The following S100Z variants were observed in gnomAD, a reference collection of about 807,000 sequenced individuals.
The protein encoded by S100Z is S100 calcium binding protein Z.
S100Z carries 11 observed loss-of-function variants against 8.5 expected under a neutral mutation model. That is an observed-to-expected ratio of 1.30 (90% CI 0.82 to 2.15). S100Z has a LOEUF of 2.15. Ranked by LOEUF, S100Z falls within the 30% of genes most tolerant of loss-of-function variation. The pLI is 0.00. For synonymous variants in S100Z, 34 were observed against 43.8 expected (o/e 0.78, Z 0.89); for missense variants, 126 against 117.9 (o/e 1.07, Z -0.32).
intron 4 of S100Z, among the ~76,000 whole-genome samples, chr5:76,882,268 G>T (rs1319137024): frequency 6.6e-6 from 1 of 152,220 alleles, no homozygotes; most frequent in Non-Finnish European, 1.5e-5. Context: ...ACACAGACAT[G>T]AAGGCTAGGC....
the S100Z span, among the ~76,000 whole-genome samples, chr5:76,947,019 A>G: frequency 6.6e-6 from 1 of 152,170 alleles, no homozygotes; most frequent in African/African-American, 2.4e-5. Context: ...GCCTCGTCCT[A>G]CAATTGTGTG....
chr5:76,906,966 T>TTG (rs111648836), intron 4 of S100Z, among the ~76,000 whole-genome samples: 741 of 58,596 alleles, frequency 0.013, 12 homozygotes, highest in South Asian at 0.041. Context: ...TAGTATTCCA[T>TTG]TGTGTGTGTG....
At chr5:76,863,590 G>A (rs1043444509) in intron 1 of S100Z, among the ~76,000 whole-genome samples, 3 of 152,026 alleles carry the variant, frequency 2.0e-5, no homozygotes, top group Admixed American at 2.0e-4. Context: ...CCAGGCTGGA[G>A]TGCAGTGGCG....
chr5:76,942,900 T>C, the S100Z span, among the ~76,000 whole-genome samples: 98,756 of 152,130 alleles, frequency 0.65, 32,284 homozygotes, highest in South Asian at 0.76. Flanking sequence ...ATTAGTTATC[T>C]ATTCCTGAAT....
At chr5:76,899,689 T>G (rs1225297800) in intron 4 of S100Z, among the ~76,000 whole-genome samples, 1 of 152,232 alleles carries the variant, frequency 6.6e-6, no homozygotes, top group Non-Finnish European at 1.5e-5. Context: ...ATTTATATCT[T>G]ATTGTATTGA....
At chr5:76,884,580 G>T (rs542519322) in intron 4 of S100Z, among the ~76,000 whole-genome samples, 3 of 152,190 alleles carry the variant, frequency 2.0e-5, no homozygotes, top group African/African-American at 2.4e-5. Context: ...GAGCCTAAAC[G>T]CTGGCTGATT....
At chr5:76,935,395 C>T in the S100Z span, among the ~76,000 whole-genome samples, 7 of 152,174 alleles carry the variant, frequency 4.6e-5, no homozygotes, top group African/African-American at 7.2e-5. Context: ...TGACCTTTCT[C>T]GATCTCAGAA....
rs536119774 is a variant in S100Z at position 76,898,909 on chromosome 5, C to T, written c.*2+21075C>T. On this transcript the variant is annotated intron_variant, in intron 4 of 4. Coordinates refer to ENST00000317593, the MANE Select transcript of S100Z (RefSeq NM_130772.4). Reference sequence around the variant, plus strand: ...GTTTGATAGAATTCATCAGTGAAGCCATTGGGTCCTGGGCTTTTCTTTTCT... The same window carrying T: ...GTTTGATAGAATTCATCAGTGAAGCTATTGGGTCCTGGGCTTTTCTTTTCT... Among the ~76,000 whole-genome samples the T allele has an allele frequency of 1.4e-4, 21 of 148,398 alleles. No homozygotes were observed. The South Asian group carries it at 4.5e-3, about 32-fold the overall frequency.
At chr5:76,912,609 C>G (rs911254000) in intron 4 of S100Z, among the ~76,000 whole-genome samples, 24 of 152,224 alleles carry the variant, frequency 1.6e-4, no homozygotes, top group African/African-American at 5.8e-4. Context: ...CTTATCTAAT[C>G]CTACATGCCC....
At chr5:76,887,313 G>A (rs978297443) in intron 4 of S100Z, among the ~76,000 whole-genome samples, 9 of 150,030 alleles carry the variant, frequency 6.0e-5, no homozygotes, top group Non-Finnish European at 1.2e-4. Context: ...GGGCCAGAAA[G>A]GTCTCGATCT....
At position 76,900,175 on chromosome 5, in the gene S100Z, C is replaced by T. The variant is rs139570893; in HGVS notation, c.*3-20542C>T. On this transcript the variant is annotated intron_variant, in intron 4 of 4. Transcript: ENST00000317593. ...TTTAGGATCCTTTCTTTTTGGTTGA[C>T]CTTTGGGAGTTTGATTATCAAATGC... Among the ~76,000 whole-genome samples the T allele has an allele frequency of 8.7e-4, 133 of 152,152 alleles. 4 individuals are homozygous for T. The East Asian group carries it at 0.025, about 28-fold the overall frequency.
At chr5:76,878,896 G>A (rs553656192) in intron 4 of S100Z, among the ~76,000 whole-genome samples, 12 of 152,262 alleles carry the variant, frequency 7.9e-5, no homozygotes, top group African/African-American at 2.9e-4. Flanking sequence ...TGAAGTGTGA[G>A]GAAAAGAGAG....
the S100Z span, among the ~76,000 whole-genome samples, chr5:76,943,774 A>G: frequency 4.3e-4 from 65 of 152,296 alleles, no homozygotes; most frequent in African/African-American, 1.5e-3. Flanking sequence ...AGAGATGAGA[A>G]TGACCCCATG....
downstream of S100Z, among the ~76,000 whole-genome samples, chr5:76,922,274 G>T (rs1263726558): frequency 6.6e-6 from 1 of 152,182 alleles, no homozygotes; most frequent in South Asian, 2.1e-4. Context: ...TCCCTAGGGG[G>T]TCTCAGCAAA....
intron 1 of S100Z, among the ~76,000 whole-genome samples, chr5:76,854,355 CA>C (rs1243986360): frequency 9.9e-5 from 15 of 152,036 alleles, no homozygotes; most frequent in Admixed American, 9.8e-4. Context: ...TGGTAGTGAC[CA>C]AAATGCTGAT....
chr5:76,928,357 T>C, the S100Z span, among the ~76,000 whole-genome samples: 1 of 152,196 alleles, frequency 6.6e-6, no homozygotes, highest in Admixed American at 6.5e-5. Context: ...TAGAATCAAT[T>C]GTAAGTGCCA....
At chr5:76,952,598 T>C in the S100Z span, 1 of 152,784 alleles carries the variant, frequency 6.5e-6, no homozygotes, top group African/African-American at 2.4e-5. Context: ...AGAAATTCCA[T>C]GAATACTAAA....
intron 1 of S100Z, among the ~76,000 whole-genome samples, chr5:76,869,473 G>A (rs1051731595): frequency 6.6e-6 from 1 of 152,190 alleles, no homozygotes; most frequent in East Asian, 1.9e-4. Context: ...AACCTGCAAA[G>A]GCATGGAAGA....
In S100Z at chr5:76,898,196, G is replaced by A. The variant is rs1401607835; in HGVS notation, c.*2+20362G>A. ...ATGGAGTTTAGCTCTTGTTGCCCAGGCTGGCATGCAATGGCATGATCTCGG... is the reference window on the plus strand; with the variant it reads ...ATGGAGTTTAGCTCTTGTTGCCCAGACTGGCATGCAATGGCATGATCTCGG... On this transcript the variant is annotated intron_variant, in intron 4 of 4. Transcript: ENST00000317593. Among the ~76,000 whole-genome samples the A allele has an allele frequency of 3.9e-5, 6 of 151,914 alleles. No homozygotes were observed. The South Asian group carries it at 1.3e-3, about 32-fold the overall frequency.
Sources: allele counts gnomAD v4.1 joint callset (sites outside exome capture counted in the v4.1 genomes callset), GRCh38; gene constraint gnomAD v4.1.1; transcripts MANE v1.5; gene names NCBI Gene and HGNC (gene_info 2026-07-23, HGNC 2026-07-21).